The following SCN3A variants were observed in gnomAD, a reference collection of about 807,000 sequenced individuals.
The protein encoded by SCN3A is sodium voltage-gated channel alpha subunit 3.
In SCN3A, 60 loss-of-function variants were observed where a neutral mutation model predicts 187.6. The ratio of observed to expected loss-of-function variants is 0.32; its 90% CI spans 0.26 to 0.40. The LOEUF (loss-of-function observed/expected upper bound fraction) is 0.40. Ranked by LOEUF, SCN3A falls within the 10% of genes least tolerant of loss-of-function variation. The probability of loss-of-function intolerance (pLI) is 1.00; values close to 1 mark genes in which losing one functional copy is unlikely to be tolerated. For synonymous variants in SCN3A, 788 were observed against 829.2 expected, an observed-to-expected ratio of 0.95 and a Z score of 0.85; for missense variants, 1,601 against 2,428.2, an observed-to-expected ratio of 0.66 and a Z score of 7.16.
At chr2:165,118,863 C>T (rs372811168) in intron 18 of SCN3A, among the ~76,000 whole-genome samples, 1 of 152,118 alleles carries the variant, frequency 6.6e-6, no homozygotes, top group Non-Finnish European at 1.5e-5. Context: ...CCTGGGTTCA[C>T]ACAATTCTCC....
In SCN3A at chr2:165,180,800, T is replaced by A. The variant is rs535053210; in HGVS notation, c.-50-4356A>T. On this transcript the variant is annotated intron_variant, in intron 2 of 27. Transcript: ENST00000283254. ...ATGATCAATGTGAAGATTGGAAAGA[T>A]GGTGGCAGTATGAAGCGTGGACAGG... 2.0e-5 allele frequency among the ~76,000 whole-genome samples: 3 copies of A among 152,166 alleles called. No individual in the cohort carries two copies. In the South Asian group the frequency reaches 6.2e-4, roughly 32 times the overall value.
At chr2:165,127,231 G>A (rs1158120988) in intron 18 of SCN3A, among the ~76,000 whole-genome samples, 2 of 147,330 alleles carry the variant, frequency 1.4e-5, no homozygotes, top group Non-Finnish European at 1.5e-5. Flanking sequence ...GTGAATTTTC[G>A]TATTTTTTTT....
At chr2:165,116,124 A>C (rs989987372) in intron 18 of SCN3A, among the ~76,000 whole-genome samples, 1 of 152,072 alleles carries the variant, frequency 6.6e-6, no homozygotes, top group Non-Finnish European at 1.5e-5. Flanking sequence ...TTTGAGCTCT[A>C]TTTTTCTCTG....
chr2:165,095,454 C>T (rs114688842), intron 25 of SCN3A, 57 bp downstream of exon 25: 1 of 1,525,710 alleles, frequency 6.6e-7, no homozygotes. Flanking sequence ...GGTTATTTGG[C>T]TGTATTAACA....
intron 2 of SCN3A, among the ~76,000 whole-genome samples, chr2:165,179,995 A>G (rs1392014603): frequency 1.3e-5 from 2 of 152,056 alleles, no homozygotes; most frequent in Non-Finnish European, 2.9e-5. Context: ...ATTAAAATAC[A>G]TAAAATTTAA....
chr2:165,146,495 T>C (rs1316094356), intron 12 of SCN3A, among the ~76,000 whole-genome samples: 1 of 148,506 alleles, frequency 6.7e-6, no homozygotes, highest in Non-Finnish European at 1.5e-5. Flanking sequence ...TATATATCTA[T>C]ATATTATATC....
rs750026037 is a variant in SCN3A, at chr2:165,154,627, A to G, written c.1205T>C (p.Ile402Thr). Residue 402 changes from isoleucine to threonine, a missense_variant, in exon 11 of 28, where the codon ATA (isoleucine) becomes ACA (threonine). This residue lies in a region of SCN3A where 47 missense variants were observed against 105.8 expected (regional missense o/e 0.44). Transcript: ENST00000283254. ...TLRAAGKTYM[I>T]FFVLVIFLGS... ...CAAGAAAATGACCAGGACAAAAAAT[A>G]TCATGTATGTTTTCCCAGCAGCACG... The G allele has an allele frequency of 8.7e-6, 14 of 1,614,048 alleles. No individual in the cohort carries two copies. The East Asian group carries it at 2.7e-4, about 31-fold the overall frequency.
chr2:165,127,756 A>G lies in SCN3A; in HGVS notation c.3268T>C (p.Tyr1090His), dbSNP rs780784373. Reference sequence around the variant, plus strand: ...CTGGGGTTGTTTATGAATGACATATAATCATTTTCATCGATTACGTATTTT... The same window carrying G: ...CTGGGGTTGTTTATGAATGACATATGATCATTTTCATCGATTACGTATTTT... ...VEKYVIDEND[Y>H]MSFINNPSLT... Residue 1090 changes from tyrosine to histidine, a missense_variant, in exon 18 of 28, where the codon TAT (tyrosine) becomes CAT (histidine). By Grantham distance (83) the Tyr-to-His change is moderately conservative (BLOSUM62 2). Transcript: ENST00000283254. 6.8e-6 allele frequency: 11 copies of G among 1,614,048 alleles called. No homozygotes were observed. Among genetic ancestry groups the G allele is most frequent in the Admixed American group, 3.3e-5 (2 of 60,004 alleles).
rs192075079 is a variant in SCN3A at position 165,097,225 on chromosome 2, T to A, written c.4239+27A>T. The A allele has an allele frequency of 1.1e-5, 17 of 1,613,694 alleles. No individual in the cohort carries two copies. In the Admixed American group the frequency reaches 2.5e-4, roughly 24 times the overall value. ...TTCCTTGAAACATCTTGAAAACTTT[T>A]TCAAAACTCGTACAGTAGCCACTTA... On this transcript the variant is annotated intron_variant, in intron 23 of 27. Transcript: ENST00000283254.
rs570445486 is a variant in SCN3A at position 165,196,805 on chromosome 2, A to G, written c.-248+7018T>C. Reference sequence around the variant, plus strand: ...TTTCCTCCAGATCTGCCTAAATTGCACTTTTAAAAAATTAAAAATCAAAGT... The same window carrying G: ...TTTCCTCCAGATCTGCCTAAATTGCGCTTTTAAAAAATTAAAAATCAAAGT... On this transcript the variant is annotated intron_variant, in intron 1 of 27. Transcript: ENST00000283254. 3.9e-5 allele frequency among the ~76,000 whole-genome samples: 6 copies of G among 152,268 alleles called. No homozygotes were observed. The South Asian group carries it at 1.2e-3, about 32-fold the overall frequency.
At chr2:165,178,128 T>C (rs1559266313) in intron 2 of SCN3A, among the ~76,000 whole-genome samples, 1 of 152,174 alleles carries the variant, frequency 6.6e-6, no homozygotes, top group African/African-American at 2.4e-5. Flanking sequence ...ATATAGCTTA[T>C]TATGTGTGTG....
rs575948957 is a variant in SCN3A at position 165,201,492 on chromosome 2, A to T, written c.-248+2331T>A. ...TGATGTGAGTTAGGATGGCAGGGAGAGAGAGGAAGGAGGTTCGTAATCATG... is the reference window on the plus strand; with the variant it reads ...TGATGTGAGTTAGGATGGCAGGGAGTGAGAGGAAGGAGGTTCGTAATCATG... On this transcript the variant is annotated intron_variant, in intron 1 of 27. Coordinates refer to ENST00000283254, the MANE Select transcript of SCN3A (RefSeq NM_006922.4). Among the ~76,000 whole-genome samples, 32 of 152,060 alleles carry T rather than the reference A, an allele frequency of 2.1e-4. No homozygotes were observed. The South Asian group carries it at 6.2e-3, about 30-fold the overall frequency.
chr2:165,110,944 G>A (rs1686082753), intron 21 of SCN3A, among the ~76,000 whole-genome samples: 1 of 152,166 alleles, frequency 6.6e-6, no homozygotes. Context: ...TGATAATCAT[G>A]TTTTCTATAT....
At chr2:165,116,590 T>G (rs1468361725) in intron 18 of SCN3A, among the ~76,000 whole-genome samples, 8 of 152,150 alleles carry the variant, frequency 5.3e-5, no homozygotes, top group Non-Finnish European at 1.0e-4. Flanking sequence ...AGGGTCACTC[T>G]GCCAAAGCCT....
At chr2:165,165,266 G>A (rs957656464) in intron 5 of SCN3A, among the ~76,000 whole-genome samples, 3 of 151,330 alleles carry the variant, frequency 2.0e-5, no homozygotes, top group African/African-American at 7.3e-5. Context: ...GTGTGTGTGT[G>A]CATGAGCATG....
At chr2:165,153,055 C>T (rs1688786625) in intron 11 of SCN3A, among the ~76,000 whole-genome samples, 1 of 146,750 alleles carries the variant, frequency 6.8e-6, no homozygotes, top group South Asian at 2.1e-4. Context: ...TTTCAAGACT[C>T]GTCATAAAAG....
At chr2:165,150,718 T>C (rs528224551) in intron 11 of SCN3A, among the ~76,000 whole-genome samples, 2 of 152,286 alleles carry the variant, frequency 1.3e-5, no homozygotes, top group South Asian at 2.1e-4. Flanking sequence ...CTCTTTTTAA[T>C]TGATGTCATA....
chr2:165,134,943 C>T (rs11903851), intron 15 of SCN3A, among the ~76,000 whole-genome samples: 29,781 of 151,636 alleles, frequency 0.2, 2,960 homozygotes, highest in East Asian at 0.27. Flanking sequence ...CCTAAATTTA[C>T]GCTTATCTAA....
At chr2:165,151,588 T>C (rs1403347449) in intron 11 of SCN3A, among the ~76,000 whole-genome samples, 2 of 152,188 alleles carry the variant, frequency 1.3e-5, no homozygotes, top group African/African-American at 4.8e-5. Flanking sequence ...TATGCTTTTG[T>C]TAGCTTATGG....
Sources: allele counts gnomAD v4.1 joint callset (sites outside exome capture counted in the v4.1 genomes callset), GRCh38; gene constraint gnomAD v4.1.1; regional missense constraint gnomAD v4.1.1; transcripts MANE v1.5; gene names NCBI Gene and HGNC (gene_info 2026-07-23, HGNC 2026-07-21).